The following MAD2L1 variants were observed in gnomAD, a reference collection of about 807,000 sequenced individuals.
MAD2L1 encodes the protein mitotic spindle assembly checkpoint protein MAD2A.
Under a neutral mutation model 25.9 loss-of-function variants are expected in MAD2L1, and 10 were observed. That is an observed-to-expected ratio of 0.39 (90% confidence interval 0.24 to 0.66). The LOEUF (loss-of-function observed/expected upper bound fraction) is 0.66, where lower values mean the gene tolerates loss of function less well. Among genes scored for constraint, MAD2L1 ranks in the 30% least tolerant of loss-of-function variants. The pLI is 0.49. For synonymous variants in MAD2L1, 81 were observed against 91.8 expected (o/e 0.88, Z 0.67); for missense variants, 180 against 246.4 (o/e 0.73, Z 1.80).
chr4:120,066,745 A>T lies in MAD2L1; in HGVS notation c.-11T>A, dbSNP rs771733311. On this transcript the variant is annotated 5_prime_UTR_variant, in exon 1 of 5. Transcript: ENST00000296509. ...GAGCTGCAGCGCCATGGCCAGGGAC[A>T]CAAACAAAAGCACGCGCTTCCACTC... 1 of 1,590,444 alleles carries T rather than the reference A, an allele frequency of 6.3e-7. No homozygotes were observed. Among genetic ancestry groups the T allele is most frequent in the East Asian group, 2.3e-5 (1 of 44,104 alleles).
At chr4:120,060,658 A>G (rs1042513273) in intron 4 of MAD2L1, among the ~76,000 whole-genome samples, 1 of 152,160 alleles carries the variant, frequency 6.6e-6, no homozygotes, top group African/African-American at 2.4e-5. Context: ...AACATTATAT[A>G]GGGTTCATAC....
At chr4:120,061,029 T>C in intron 3 of MAD2L1, 52 bp from the exon 4 acceptor site, 2 of 1,044,668 alleles carry the variant, frequency 1.9e-6, no homozygotes, top group South Asian at 2.6e-5. Context: ...TAACAAATTA[T>C]TTCAAACATA....
chr4:120,059,368 G>A lies in MAD2L1; in HGVS notation c.*750C>T, dbSNP rs1325914179. ...GGAACAAGAATTCATTAGCTATGCT[G>A]AATCAATTCTAATTACCATTTAACT... On this transcript the variant is annotated 3_prime_UTR_variant, in exon 5 of 5. Transcript: ENST00000296509. 6.6e-6 allele frequency: 1 copy of A among 152,118 alleles called. No homozygotes were observed. Among genetic ancestry groups the A allele is most frequent in the African/African-American group, 2.4e-5 (1 of 41,446 alleles). The allele number at this position is 152,118 out of a possible 1,614,324, so 9.4% of individuals were successfully genotyped here.
At chr4:120,065,897 A>C (rs1726307360) in intron 1 of MAD2L1, 79 bp from the exon 2 acceptor site, 1 of 1,441,950 alleles carries the variant, frequency 6.9e-7, no homozygotes, top group African/African-American at 1.4e-5. Flanking sequence ...AGATGTTGCT[A>C]TATTTTCATT....
chr4:120,065,029 C>A (rs1247369834), intron 2 of MAD2L1, among the ~76,000 whole-genome samples: 1 of 152,040 alleles, frequency 6.6e-6, no homozygotes, highest in South Asian at 2.1e-4. Context: ...AAAAAGAAAT[C>A]GATGAAGAAC....
At chr4:120,065,927 GACTGA>G in intron 1 of MAD2L1, 109 bp from the exon 2 acceptor site, 1 of 1,063,390 alleles carries the variant, frequency 9.4e-7, no homozygotes, top group Non-Finnish European at 1.4e-6. Context: ...AGCTATAAAT[GACTGA>G]ACACACGTGT....
chr4:120,065,270 A>G (rs1726295100), intron 2 of MAD2L1, among the ~76,000 whole-genome samples: 3 of 152,172 alleles, frequency 2.0e-5, no homozygotes, highest in African/African-American at 7.2e-5. Context: ...TCTTAATGTA[A>G]TGATAACATT....
rs989019669 is a variant in MAD2L1 at position 120,058,153 on chromosome 4, A to T, written c.*1965T>A. 3 of 151,334 alleles carry T rather than the reference A, an allele frequency of 2.0e-5. No homozygotes were observed. Among genetic ancestry groups the T allele is most frequent in the Non-Finnish European group, 4.4e-5 (3 of 67,918 alleles). 9.4% of individuals were successfully genotyped at this position (151,334 alleles called of 1,614,324 possible). ...ATTACAGGCGCGAGCCACTGCGCCCAGCCCAAAATGTGTATTTCTTAATTG... is the reference window on the plus strand; with the variant it reads ...ATTACAGGCGCGAGCCACTGCGCCCTGCCCAAAATGTGTATTTCTTAATTG... On this transcript the variant is annotated 3_prime_UTR_variant, in exon 5 of 5. Transcript: ENST00000296509.
rs958966839 is a variant in MAD2L1, at chr4:120,056,351, C to G, written c.*3767G>C. 1 of 152,184 alleles carries G rather than the reference C, an allele frequency of 6.6e-6. No individual in the cohort carries two copies. Among genetic ancestry groups the G allele is most frequent in the Non-Finnish European group, 1.5e-5 (1 of 68,032 alleles). 9.4% of individuals were successfully genotyped at this position (152,184 alleles called of 1,614,324 possible). A position where few individuals can be genotyped will look rare whatever the true frequency, so the allele number is the denominator to read the frequency against. The stretch of plus-strand genomic sequence containing the variant: ...ATTTATATATTTGTTGCCAGGAATT[C>G]CAATGCTGAGTAACCTTGCTTTTCC... On this transcript the variant is annotated 3_prime_UTR_variant, in exon 5 of 5. Coordinates refer to ENST00000296509, the MANE Select transcript of MAD2L1 (RefSeq NM_002358.4).
rs747806570 is a variant in MAD2L1, at chr4:120,060,105, C to T, written c.*13G>A. On this transcript the variant is annotated 3_prime_UTR_variant, in exon 5 of 5. Transcript: ENST00000296509. ...TTCAAAATTACAATTACATTATTTT[C>T]CTCATGTCATCCTCAGTCATTGACA... 2 of 1,572,678 alleles carry T rather than the reference C, an allele frequency of 1.3e-6. No homozygotes were observed. The highest frequency in any genetic ancestry group is 1.4e-5 in the African/African-American group (1 of 74,046).
At chr4:120,063,649 A>C (rs1290468884) in intron 2 of MAD2L1, among the ~76,000 whole-genome samples, 2 of 152,216 alleles carry the variant, frequency 1.3e-5, no homozygotes, top group Non-Finnish European at 2.9e-5. Context: ...GAAGCAGAAA[A>C]TATAAGAGAG....
chr4:120,065,864 A>C, intron 1 of MAD2L1, 46 bp from the exon 2 acceptor site: 1 of 1,588,122 alleles, frequency 6.3e-7, no homozygotes, highest in Non-Finnish European at 8.6e-7. Flanking sequence ...TCCCTGCATA[A>C]CTCTGGAAAA....
At position 120,055,782 on chromosome 4, in the gene MAD2L1, T is replaced by C. The variant is rs1404686232; in HGVS notation, c.*4336A>G. On this transcript the variant is annotated 3_prime_UTR_variant, in exon 5 of 5. Transcript: ENST00000296509. ...CTTAACAAACAATTCTTCTGATTAG[T>C]TGGAAAATTGTTTCATTACTGTTCA... 6.6e-6 allele frequency: 1 copy of C among 152,212 alleles called. No individual in the cohort carries two copies. The highest frequency in any genetic ancestry group is 1.5e-5 in the Non-Finnish European group (1 of 68,036). The allele number at this position is 152,212 out of a possible 1,614,324, so 9.4% of individuals were successfully genotyped here.
rs1726187693 is a variant in MAD2L1 at position 120,060,178 on chromosome 4, A to G, written c.558T>C (p.Phe186=). 1 of 1,612,506 alleles carries G rather than the reference A, an allele frequency of 6.2e-7. No homozygotes were observed. The highest frequency in any genetic ancestry group is 1.3e-5 in the African/African-American group (1 of 75,008). Residue 186 remains phenylalanine (F), a synonymous_variant, in exon 5 of 5, where the codon TTT becomes TTC. Transcript: ENST00000296509. ...TNSEEVRLRS[F]TTTIHKVNSM... Reference sequence around the variant, plus strand: ...TATTTACTTTGTGGATTGTAGTAGTAAATGAACGAAGGCGGACTTCCTCAG... The same window carrying G: ...TATTTACTTTGTGGATTGTAGTAGTGAATGAACGAAGGCGGACTTCCTCAG...
rs141005282 is a variant in MAD2L1, at chr4:120,056,527, C to T, written c.*3591G>A. On this transcript the variant is annotated 3_prime_UTR_variant, in exon 5 of 5. Transcript: ENST00000296509. ...GTAAATTTTAGATAAATTTTACATACTAAATGAAAACAAGATGAAGAAATG... is the reference window on the plus strand; with the variant it reads ...GTAAATTTTAGATAAATTTTACATATTAAATGAAAACAAGATGAAGAAATG... 1 of 152,022 alleles carries T rather than the reference C, an allele frequency of 6.6e-6. No individual in the cohort carries two copies. Among genetic ancestry groups the T allele is most frequent in the East Asian group, 1.9e-4 (1 of 5,174 alleles). 9.4% of individuals were successfully genotyped at this position (152,022 alleles called of 1,614,324 possible).
intron 1 of MAD2L1, 127 bp from the exon 2 acceptor site, chr4:120,065,945 CT>C (rs2110509802): frequency 1.1e-6 from 1 of 879,014 alleles, no homozygotes; most frequent in East Asian, 2.6e-5. Flanking sequence ...ACACGTGTAT[CT>C]TGCTGAAAGC....
chr4:120,062,020 C>A lies in MAD2L1; in HGVS notation c.296G>T (p.Arg99Ile), dbSNP rs767704519. 6.2e-7 allele frequency: 1 copy of A among 1,613,128 alleles called. No homozygotes were observed. Among genetic ancestry groups the A allele is most frequent in the South Asian group, 1.1e-5 (1 of 90,966 alleles). The change falls in exon 3 of 5, where the codon AGA becomes ATA. Residue 99 changes from arginine to isoleucine, a missense_variant. By Grantham distance (97) the Arg-to-Ile change is moderately conservative. Coordinates refer to ENST00000296509, the MANE Select transcript of MAD2L1 (RefSeq NM_002358.4). ...GTCACACTCAATATCAAACTGCCAT[C>A]TTTCCAGGACCTCACCACTTTCAAT... ...SNIESGEVLE[R>I]WQFDIECDKT... is the part of the protein sequence containing the mutation.
At chr4:120,064,832 C>A (rs370077017) in intron 2 of MAD2L1, among the ~76,000 whole-genome samples, 11 of 151,242 alleles carry the variant, frequency 7.3e-5, no homozygotes, top group African/African-American at 2.7e-4. Context: ...GCAATAAAAA[C>A]GGTAAAAAAG....
Position 120,056,741 on chromosome 4 carries a change from C to CT in MAD2L1, c.*3376dup, listed in dbSNP as rs931021130. Reference sequence around the variant, plus strand: ...ATTGTGAGTCTCATAAAAAGGGTCTCTTTTTTAAAGGAGAGCCCATACCTC... The same window carrying CT: ...ATTGTGAGTCTCATAAAAAGGGTCTCTTTTTTTAAAGGAGAGCCCATACCTC... On this transcript the variant is annotated 3_prime_UTR_variant, in exon 5 of 5. Transcript: ENST00000296509. 6.6e-6 allele frequency: 1 copy of CT among 152,098 alleles called. No individual in the cohort carries two copies. Among genetic ancestry groups the CT allele is most frequent in the African/African-American group, 2.4e-5 (1 of 41,408 alleles). The allele number at this position is 152,098 out of a possible 1,614,324, so 9.4% of individuals were successfully genotyped here.
Sources: gnomAD v4.1 joint callset for allele counts (sites outside exome capture counted in the v4.1 genomes callset) on GRCh38, gnomAD v4.1.1 for gene constraint, MANE v1.5 for transcripts, NCBI Gene and HGNC (gene_info 2026-07-23, HGNC 2026-07-21) for gene names.